The following SNTG1 variants were observed in gnomAD, a reference collection of about 807,000 sequenced individuals.
SNTG1 encodes the protein syntrophin gamma 1, also known as gamma-1-syntrophin.
In SNTG1, 39 loss-of-function variants were observed where a neutral mutation model predicts 74.7. The ratio of observed to expected loss-of-function variants is 0.52; its 90% CI spans 0.40 to 0.68. The LOEUF (loss-of-function observed/expected upper bound fraction) is 0.68. SNTG1 is among the 30% of genes least tolerant of loss of function. SNTG1 has a pLI of 0.00. For synonymous variants in SNTG1, 254 were observed against 217.1 expected, an observed-to-expected ratio of 1.17 and a Z score of -1.49; for missense variants, 685 against 609.5, an observed-to-expected ratio of 1.12 and a Z score of -1.30.
chr8:50,505,696 C>A (rs566842915), intron 9 of SNTG1, among the ~76,000 whole-genome samples: 1 of 152,152 alleles, frequency 6.6e-6, no homozygotes, highest in Admixed American at 6.5e-5. Context: ...AGTTTTAAAT[C>A]TGGTTATTTG....
At chr8:50,705,443 T>C (rs1400466433) in intron 16 of SNTG1, among the ~76,000 whole-genome samples, 1 of 152,212 alleles carries the variant, frequency 6.6e-6, no homozygotes, top group African/African-American at 2.4e-5. Context: ...ATAAAAGTAA[T>C]ACATCTGATT....
At chr8:50,344,398 G>C (rs533625320) in intron 2 of SNTG1, among the ~76,000 whole-genome samples, 1 of 152,258 alleles carries the variant, frequency 6.6e-6, no homozygotes, top group East Asian at 1.9e-4. Flanking sequence ...CTGGTGCAAG[G>C]CTGCCCTGGG....
At chr8:50,359,851 G>A (rs1198504121) in intron 2 of SNTG1, among the ~76,000 whole-genome samples, 2 of 151,996 alleles carry the variant, frequency 1.3e-5, no homozygotes, top group Non-Finnish European at 2.9e-5. Flanking sequence ...TCACATTTAA[G>A]CTTCTAGTTT....
intron 13 of SNTG1, among the ~76,000 whole-genome samples, chr8:50,655,174 G>T (rs1025507664): frequency 4.6e-5 from 7 of 152,192 alleles, no homozygotes; most frequent in African/African-American, 1.7e-4. Flanking sequence ...ATGGTGGGTT[G>T]TCTACATTCT....
Position 50,102,769 on chromosome 8 carries a change from T to C in SNTG1, c.-102-69792T>C, listed in dbSNP as rs1303039175. Among the ~76,000 whole-genome samples the C allele has an allele frequency of 3.5e-3, 522 of 151,124 alleles. 7 individuals carry two copies. Among genetic ancestry groups the C allele is most frequent in the African/African-American group, 0.012 (504 of 40,952 alleles). On this transcript the variant is annotated intron_variant, in intron 1 of 18. Coordinates refer to ENST00000642720, the MANE Select transcript of SNTG1 (RefSeq NM_018967.5). The stretch of plus-strand genomic sequence containing the variant: ...TAAGGAAGGGATCCAGTTTCAGCTT[T>C]CTACATATGGCTAGCCAGTTTTCCC...
intron 4 of SNTG1, among the ~76,000 whole-genome samples, chr8:50,430,667 T>C (rs964247828): frequency 6.6e-6 from 1 of 152,156 alleles, no homozygotes; most frequent in Non-Finnish European, 1.5e-5. Context: ...GTGGTCTTGG[T>C]TGGCTGCAAG....
At chr8:49,955,989 C>T (rs1810121798) in intron 1 of SNTG1, among the ~76,000 whole-genome samples, 1 of 152,064 alleles carries the variant, frequency 6.6e-6, no homozygotes, top group South Asian at 2.1e-4. Context: ...CTTTTCATTG[C>T]CATATATTGT....
Position 50,402,283 on chromosome 8 carries a change from A to G in SNTG1, c.101A>G (p.Asp34Gly). 6.2e-7 allele frequency: 1 copy of G among 1,613,818 alleles called. No homozygotes were observed. The highest frequency in any genetic ancestry group is 8.5e-7 in the Non-Finnish European group (1 of 1,179,940). Reference sequence around the variant, plus strand: ...AAAGTGCGGCTGCACCTAGCCAAAGACATTTTGATGATCCAGGAACAGGAT... The same window carrying G: ...AAAGTGCGGCTGCACCTAGCCAAAGGCATTTTGATGATCCAGGAACAGGAT... The part of the protein sequence containing the change: ...PFKVRLHLAK[D>G]ILMIQEQDVI... The change falls in exon 4 of 19, where the codon GAC (aspartate) becomes GGC (glycine). Residue 34 changes from aspartate (D) to glycine (G), a missense_variant. Coordinates refer to ENST00000642720, the MANE Select transcript of SNTG1 (RefSeq NM_018967.5).
At chr8:50,611,215 T>G (rs2094847617) in intron 13 of SNTG1, among the ~76,000 whole-genome samples, 1 of 152,154 alleles carries the variant, frequency 6.6e-6, no homozygotes, top group Non-Finnish European at 1.5e-5. Flanking sequence ...ACCTTAGCAG[T>G]CTCTGCAGGG....
intron 13 of SNTG1, among the ~76,000 whole-genome samples, chr8:50,631,697 T>G (rs2094998889): frequency 6.6e-6 from 1 of 152,218 alleles, no homozygotes; most frequent in African/African-American, 2.4e-5. Context: ...TTAAGTGTGA[T>G]TTAATTGACC....
intron 9 of SNTG1, among the ~76,000 whole-genome samples, chr8:50,507,298 G>A (rs1331733729): frequency 6.6e-6 from 1 of 151,854 alleles, no homozygotes; most frequent in Non-Finnish European, 1.5e-5. Context: ...TTTATTTTTT[G>A]TAGTATCTTT....
chr8:50,587,696 A>G (rs541577292), intron 12 of SNTG1, among the ~76,000 whole-genome samples: 91 of 151,504 alleles, frequency 6.0e-4, no homozygotes, highest in African/African-American at 2.1e-3. Flanking sequence ...GTGGTGGTGC[A>G]CGCCTGTAGT....
In SNTG1 at chr8:50,406,061, A is replaced by G. The variant is rs541288539; in HGVS notation, c.162+3717A>G. Among the ~76,000 whole-genome samples, 143 of 152,236 alleles carry G rather than the reference A, an allele frequency of 9.4e-4. 1 individual carries two copies. The highest frequency in any genetic ancestry group is 6.0e-3 in the South Asian group (29 of 4,830). On this transcript the variant is annotated intron_variant, in intron 4 of 18. Coordinates refer to ENST00000642720, the MANE Select transcript of SNTG1 (RefSeq NM_018967.5). ...AAGATCTCAAATAAATTTTGGAATG[A>G]ATTTTTCTATTTCTTGAAAAAATAT...
At chr8:50,550,708 T>TGA (rs55691912) in intron 11 of SNTG1, among the ~76,000 whole-genome samples, 38 of 152,016 alleles carry the variant, frequency 2.5e-4, no homozygotes, top group Admixed American at 2.5e-3. Context: ...TATATATATA[T>TGA]GACACATAAT....
chr8:50,538,422 G>A (rs902581618), intron 11 of SNTG1, among the ~76,000 whole-genome samples: 4 of 151,960 alleles, frequency 2.6e-5, no homozygotes, highest in African/African-American at 9.7e-5. Flanking sequence ...TTCTTTAAAG[G>A]TAGATTTGCT....
intron 15 of SNTG1, among the ~76,000 whole-genome samples, chr8:50,664,732 G>T (rs1473398874): frequency 6.6e-6 from 1 of 152,076 alleles, no homozygotes; most frequent in Non-Finnish European, 1.5e-5. Context: ...CAATGATCAG[G>T]TTCTTCCTAG....
intron 2 of SNTG1, among the ~76,000 whole-genome samples, chr8:50,243,963 C>T (rs2086278147): frequency 6.6e-6 from 1 of 152,090 alleles, no homozygotes; most frequent in Admixed American, 6.5e-5. Flanking sequence ...ACCATTCTTG[C>T]ATTGCTGTAA....
At chr8:50,734,885 CTATATATATGGA>C (rs2095523471) in intron 17 of SNTG1, among the ~76,000 whole-genome samples, 12 of 126,638 alleles carry the variant, frequency 9.5e-5, no homozygotes, top group African/African-American at 3.6e-4. Context: ...ATATATATAT[CTATATATATGGA>C]CATATATATA....
chr8:50,753,484 C>G lies in SNTG1; in HGVS notation c.1395+1373C>G, dbSNP rs189948609. Among the ~76,000 whole-genome samples, 22 of 152,058 alleles carry G rather than the reference C, an allele frequency of 1.4e-4. No homozygotes were observed. In the East Asian group the frequency reaches 3.3e-3, roughly 23 times the overall value. The stretch of plus-strand genomic sequence containing the variant: ...CAGTTGCTGACAGCGGTACAGTATT[C>G]AGTTGCTTACCCCAACACTTTTTAA... On this transcript the variant is annotated intron_variant, in intron 18 of 18. Coordinates refer to ENST00000642720, the MANE Select transcript of SNTG1 (RefSeq NM_018967.5).
Sources: allele counts gnomAD v4.1 joint callset (sites outside exome capture counted in the v4.1 genomes callset), GRCh38; gene constraint gnomAD v4.1.1; transcripts MANE v1.5; gene names NCBI Gene and HGNC (gene_info 2026-07-23, HGNC 2026-07-21).